Variants in ERC2 observed in about 807,000 individuals in gnomAD.
The protein encoded by ERC2 is ELKS/RAB6-interacting/CAST family member 2, also known as ERC protein 2.
In ERC2, 42 loss-of-function variants were observed where a neutral mutation model predicts 114.8. The observed-to-expected ratio is 0.37, with a 90% CI of 0.29 to 0.47. The LOEUF is 0.47. Among genes scored for constraint, ERC2 ranks in the 20% least tolerant of loss-of-function variants. The pLI, the probability that ERC2 is intolerant of heterozygous loss-of-function variation, is 0.99. For missense variants in ERC2, 939 were observed against 1,150.7 expected (o/e 0.82, Z 2.66); for synonymous variants, 454 against 425.5 (o/e 1.07, Z -0.82).
At chr3:56,067,065 A>G (rs1192235229) in intron 7 of ERC2, among the ~76,000 whole-genome samples, 2 of 152,202 alleles carry the variant, frequency 1.3e-5, no homozygotes, top group South Asian at 2.1e-4. Flanking sequence ...GATGAATTTT[A>G]AAGTATTTTT....
At chr3:56,229,175 G>T (rs891814230) in intron 3 of ERC2, among the ~76,000 whole-genome samples, 1 of 152,062 alleles carries the variant, frequency 6.6e-6, no homozygotes, top group Non-Finnish European at 1.5e-5. Context: ...CAGACAAAAA[G>T]GCCTTGCCTT....
chr3:56,236,701 C>T (rs2050970698), intron 3 of ERC2, among the ~76,000 whole-genome samples: 1 of 152,142 alleles, frequency 6.6e-6, no homozygotes, highest in African/African-American at 2.4e-5. Flanking sequence ...CCAATCTATG[C>T]ACTAAGAGGC....
chr3:56,271,140 G>A (rs2053630634), intron 3 of ERC2, among the ~76,000 whole-genome samples: 1 of 152,202 alleles, frequency 6.6e-6, no homozygotes, highest in Non-Finnish European at 1.5e-5. Context: ...CAACCCAGTG[G>A]TTCCCACTTT....
At chr3:55,674,286 C>T (rs1282538613) in intron 17 of ERC2, among the ~76,000 whole-genome samples, 1 of 152,106 alleles carries the variant, frequency 6.6e-6, no homozygotes, top group Non-Finnish European at 1.5e-5. Context: ...GGCTCTAGAG[C>T]CTGGGTACTG....
intron 14 of ERC2, among the ~76,000 whole-genome samples, chr3:55,876,018 A>C (rs1300573396): frequency 1.3e-5 from 2 of 152,192 alleles, no homozygotes; most frequent in Non-Finnish European, 2.9e-5. Context: ...GAAAGAAAAA[A>C]GAGGCAGCCA....
chr3:56,033,072 GAA>G (rs1491439833), intron 7 of ERC2, among the ~76,000 whole-genome samples: 1 of 112,058 alleles, frequency 8.9e-6, no homozygotes, highest in Non-Finnish European at 2.1e-5. Context: ...AAGAAAGAAA[GAA>G]AGAAAGAAAG....
At chr3:55,764,060 C>T (rs539619264) in intron 14 of ERC2, among the ~76,000 whole-genome samples, 3 of 152,296 alleles carry the variant, frequency 2.0e-5, no homozygotes, top group East Asian at 1.9e-4. Context: ...CTCAGAAATA[C>T]TTCCACTGTT....
At chr3:56,425,077 T>A (rs2061515643) in intron 2 of ERC2, among the ~76,000 whole-genome samples, 1 of 152,182 alleles carries the variant, frequency 6.6e-6, no homozygotes, top group Admixed American at 6.5e-5. Context: ...ACATCTGTTT[T>A]TGTCTTGGAG....
chr3:55,924,036 T>G (rs902236823), intron 13 of ERC2, among the ~76,000 whole-genome samples: 1 of 152,144 alleles, frequency 6.6e-6, no homozygotes, highest in Non-Finnish European at 1.5e-5. Context: ...CACAATATTA[T>G]AGATGTAAGG....
chr3:56,343,476 G>A (rs965727628), intron 2 of ERC2, among the ~76,000 whole-genome samples: 1 of 151,956 alleles, frequency 6.6e-6, no homozygotes, highest in Non-Finnish European at 1.5e-5. Context: ...AAATTAGCCA[G>A]GTGTGGTGCC....
At chr3:55,691,472 G>C (rs919247999) in intron 16 of ERC2, among the ~76,000 whole-genome samples, 1 of 143,680 alleles carries the variant, frequency 7.0e-6, no homozygotes, top group African/African-American at 2.6e-5. Context: ...TGAATCTGAA[G>C]GCTTCATCCC....
chr3:55,726,524 A>G (rs1388740529), intron 15 of ERC2, among the ~76,000 whole-genome samples: 1 of 152,230 alleles, frequency 6.6e-6, no homozygotes, highest in Non-Finnish European at 1.5e-5. Context: ...AATTTTGACT[A>G]GGATTCCATC....
rs2058314613 is a variant in ERC2 at position 55,599,749 on chromosome 3, A to G, written c.*39+84045T>C. 2.6e-5 allele frequency among the ~76,000 whole-genome samples: 4 copies of G among 152,250 alleles called. No homozygotes were observed. In the South Asian group the frequency reaches 8.3e-4, roughly 31 times the overall value. On this transcript the variant is annotated intron_variant, in intron 17 of 17. Transcript: ENST00000288221. ...GCTCAATATGTGTAACATTTTGATC[A>G]GGTTGAAGATAATGACAATTTTTTC...
rs35572870 is a variant in ERC2, at chr3:56,280,548, C to A, written c.1074+15471G>T. Among the ~76,000 whole-genome samples the A allele has an allele frequency of 4.4e-3, 670 of 152,158 alleles. 9 individuals carry two copies. Among genetic ancestry groups the A allele is most frequent in the Non-Finnish European group, 3.5e-3 (239 of 68,016 alleles). On this transcript the variant is annotated intron_variant, in intron 3 of 17. Coordinates refer to ENST00000288221, the MANE Select transcript of ERC2 (RefSeq NM_015576.3). ...AGTTCCATTCTGGACAGGCTAATCC[C>A]AATATGTTTCTGCAACCCACAGGAA... is the stretch of plus-strand genomic sequence containing the variant.
At chr3:55,889,698 C>A (rs1017522844) in intron 13 of ERC2, among the ~76,000 whole-genome samples, 1 of 152,152 alleles carries the variant, frequency 6.6e-6, no homozygotes, top group South Asian at 2.1e-4. Flanking sequence ...AATCATGATT[C>A]CAGGAAGTTT....
intron 13 of ERC2, among the ~76,000 whole-genome samples, chr3:55,889,103 A>G (rs2063492343): frequency 6.6e-6 from 1 of 152,166 alleles, no homozygotes; most frequent in Non-Finnish European, 1.5e-5. Context: ...AAAGTCTCAG[A>G]TACTTTCTCA....
At chr3:56,354,101 C>T (rs1242797159) in intron 2 of ERC2, among the ~76,000 whole-genome samples, 2 of 152,140 alleles carry the variant, frequency 1.3e-5, no homozygotes, top group Non-Finnish European at 2.9e-5. Context: ...TACATTTTTA[C>T]GATCTTCTGA....
At chr3:56,276,623 G>T (rs80186794) in intron 3 of ERC2, among the ~76,000 whole-genome samples, 1,995 of 152,208 alleles carry the variant, frequency 0.013, 38 homozygotes, top group African/African-American at 0.044. Flanking sequence ...ATATGCTTAG[G>T]AAGACTACAT....
intron 2 of ERC2, among the ~76,000 whole-genome samples, chr3:56,364,038 C>A (rs2059062950): frequency 6.6e-6 from 1 of 152,212 alleles, no homozygotes; most frequent in Admixed American, 6.5e-5. Flanking sequence ...CGTGGCCTAG[C>A]CTCTGCCTAA....
Sources: allele counts gnomAD v4.1 joint callset (sites outside exome capture counted in the v4.1 genomes callset), GRCh38; gene constraint gnomAD v4.1.1; transcripts MANE v1.5; gene names NCBI Gene and HGNC (gene_info 2026-07-23, HGNC 2026-07-21).